TLN2: variants seen among roughly 807,000 people sequenced by gnomAD.
TLN2 encodes the protein talin 2, also known as talin-2.
TLN2 carries 118 observed loss-of-function variants against 294.7 expected under a neutral mutation model. The ratio of observed to expected loss-of-function variants is 0.40; its 90% CI spans 0.34 to 0.47. The LOEUF (loss-of-function observed/expected upper bound fraction) is 0.47. Among genes scored for constraint, TLN2 ranks in the 20% least tolerant of loss-of-function variants. The pLI is 0.84. For missense variants in TLN2, 3,083 were observed against 3,282.2 expected (o/e 0.94, Z 1.48); for synonymous variants, 1,431 against 1,304.5 (o/e 1.10, Z -2.09).
intron 1 of TLN2, among the ~76,000 whole-genome samples, chr15:62,543,807 C>G (rs563285741): frequency 6.6e-6 from 1 of 151,108 alleles, no homozygotes; most frequent in South Asian, 2.1e-4. Flanking sequence ...TTATCCTTAT[C>G]AAATAGTTAA....
chr15:62,707,020 T>G (rs1199096606), intron 19 of TLN2, 66 bp from the exon 20 acceptor site: 45 of 1,486,776 alleles, frequency 3.0e-5, no homozygotes, highest in Non-Finnish European at 3.9e-5. Context: ...TAATAACGTT[T>G]ATTTTCAGGC....
At chr15:62,604,368 A>G (rs2140793881) in intron 2 of TLN2, among the ~76,000 whole-genome samples, 1 of 151,956 alleles carries the variant, frequency 6.6e-6, no homozygotes, top group Admixed American at 6.6e-5. Flanking sequence ...AAAAACAAAC[A>G]AAAAATACCA....
rs762679240 is a variant in TLN2, at chr15:62,653,260, C to A, written c.463C>A (p.Arg155=). The A allele has an allele frequency of 1.9e-6, 3 of 1,613,694 alleles. No homozygotes were observed. The Admixed American group carries it at 5.0e-5, about 27-fold the overall frequency. ...GTLKKDRTLL[R]DERKMEKLKA... ...ACTCAAAAAAGACAGGACACTGTTACGAGATGAGAGGAAAATGGAGAAGTT... is the reference window on the plus strand; with the variant it reads ...ACTCAAAAAAGACAGGACACTGTTAAGAGATGAGAGGAAAATGGAGAAGTT... Residue 155 remains arginine, a synonymous_variant, in exon 7 of 59, where the codon CGA becomes AGA. Coordinates refer to ENST00000636159, the MANE Select transcript of TLN2 (RefSeq NM_015059.3).
intron 2 of TLN2, among the ~76,000 whole-genome samples, chr15:62,595,117 C>T (rs1322399320): frequency 6.6e-6 from 1 of 152,132 alleles, no homozygotes; most frequent in Non-Finnish European, 1.5e-5. Context: ...GTTAGGATGG[C>T]TATCATCAAA....
At chr15:62,818,492 T>A (rs541921878) in intron 52 of TLN2, among the ~76,000 whole-genome samples, 65 of 152,288 alleles carry the variant, frequency 4.3e-4, no homozygotes, top group African/African-American at 1.5e-3. Flanking sequence ...CATGGATGAG[T>A]TTGAGAAGAA....
Position 62,770,914 on chromosome 15 carries a change from C to CA in TLN2, c.5197-49dup, listed in dbSNP as rs1595934642. On this transcript the variant is annotated intron_variant, in intron 41 of 58. Coordinates refer to ENST00000636159, the MANE Select transcript of TLN2 (RefSeq NM_015059.3). ...CTGACTGTGGAGCCCCTGAAGGAGA[C>CA]ACGTGTATTTACATGATACATCTCT... 3.8e-6 allele frequency: 6 copies of CA among 1,567,326 alleles called. No individual in the cohort carries two copies. In the East Asian group the frequency reaches 1.3e-4, roughly 35 times the overall value.
intron 52 of TLN2, among the ~76,000 whole-genome samples, chr15:62,814,574 G>GTATT (rs2066944254): frequency 6.6e-6 from 1 of 151,970 alleles, no homozygotes; most frequent in African/African-American, 2.4e-5. Context: ...ATAGCATTAT[G>GTATT]TATTCATTTA....
At chr15:62,546,924 G>A (rs1026463496) in intron 1 of TLN2, among the ~76,000 whole-genome samples, 17 of 152,206 alleles carry the variant, frequency 1.1e-4, no homozygotes, top group African/African-American at 4.1e-4. Flanking sequence ...CCGTAATACT[G>A]CAGTTTGTTT....
At chr15:62,444,780 G>A (rs2035734845) in intron 1 of TLN2, among the ~76,000 whole-genome samples, 1 of 152,194 alleles carries the variant, frequency 6.6e-6, no homozygotes, top group Non-Finnish European at 1.5e-5. Context: ...ATTCCAAAGT[G>A]CTTTACTGAG....
At chr15:62,817,912 C>G (rs1032885536) in intron 52 of TLN2, among the ~76,000 whole-genome samples, 1 of 146,640 alleles carries the variant, frequency 6.8e-6, no homozygotes, top group Non-Finnish European at 1.5e-5. Flanking sequence ...TCTGTTGAGG[C>G]AGTTCTCCTG....
chr15:62,609,099 G>A (rs140746493), intron 2 of TLN2, among the ~76,000 whole-genome samples: 81 of 152,040 alleles, frequency 5.3e-4, no homozygotes, highest in African/African-American at 1.8e-3. Context: ...AAAAATGAAC[G>A]TTCCCCCTGG....
chr15:62,633,647 C>T (rs570374016), intron 3 of TLN2, among the ~76,000 whole-genome samples: 1 of 152,282 alleles, frequency 6.6e-6, no homozygotes, highest in South Asian at 2.1e-4. Flanking sequence ...TACTGATTAC[C>T]ACTTACATTT....
intron 1 of TLN2, among the ~76,000 whole-genome samples, chr15:62,400,982 A>C (rs2032978782): frequency 6.6e-6 from 1 of 151,834 alleles, no homozygotes; most frequent in Non-Finnish European, 1.5e-5. Context: ...TGCTTGGCTA[A>C]TTTTTCTATT....
At chr15:62,582,219 C>CACACACACACACACAA (rs71129014) in intron 1 of TLN2, among the ~76,000 whole-genome samples, 1 of 135,392 alleles carries the variant, frequency 7.4e-6, no homozygotes, top group Non-Finnish European at 1.6e-5. Context: ...CACACACACA[C>CACACACACACACACAA]ACACACACAC....
intron 1 of TLN2, among the ~76,000 whole-genome samples, chr15:62,512,602 C>G (rs532898598): frequency 2.2e-4 from 34 of 152,236 alleles, no homozygotes; most frequent in Non-Finnish European, 4.0e-4. Flanking sequence ...TGTACATTTT[C>G]TTTCTTCTCA....
chr15:62,486,458 T>G (rs34539809), intron 1 of TLN2, among the ~76,000 whole-genome samples: 22,586 of 148,634 alleles, frequency 0.15, 2,344 homozygotes, highest in East Asian at 0.53. Flanking sequence ...CTTTGTTTTT[T>G]TTTTTTTTTT....
intron 1 of TLN2, among the ~76,000 whole-genome samples, chr15:62,482,373 C>T (rs944655969): frequency 2.6e-5 from 4 of 151,372 alleles, no homozygotes; most frequent in African/African-American, 7.3e-5. Flanking sequence ...GAGGCCGAGG[C>T]GGGTGGATCA....
At chr15:62,498,929 C>T (rs1279877760) in intron 1 of TLN2, among the ~76,000 whole-genome samples, 1 of 152,108 alleles carries the variant, frequency 6.6e-6, no homozygotes, top group Non-Finnish European at 1.5e-5. Flanking sequence ...GAGTAGAGGT[C>T]AGTTAGTGGA....
chr15:62,597,157 A>T (rs933766228), intron 2 of TLN2, among the ~76,000 whole-genome samples: 7 of 152,154 alleles, frequency 4.6e-5, no homozygotes, highest in Admixed American at 1.3e-4. Context: ...TGTCTCCTAG[A>T]TACACTATTT....
Sources: allele counts gnomAD v4.1 joint callset (sites outside exome capture counted in the v4.1 genomes callset), GRCh38; gene constraint gnomAD v4.1.1; transcripts MANE v1.5; gene names NCBI Gene and HGNC (gene_info 2026-07-23, HGNC 2026-07-21).